The following GDI2 variants were observed in gnomAD, a reference collection of about 807,000 sequenced individuals.
The protein encoded by GDI2 is rab GDP dissociation inhibitor beta.
A neutral mutation model predicts 54.2 loss-of-function variants in GDI2; 22 were observed. The observed-to-expected ratio is 0.41, with a 90% CI of 0.29 to 0.58. GDI2 has a LOEUF of 0.58. Among genes scored for constraint, GDI2 ranks in the 20% least tolerant of loss-of-function variants. The pLI, the probability that GDI2 is intolerant of heterozygous loss-of-function variation, is 0.35. For missense variants in GDI2, 422 were observed against 546.0 expected (o/e 0.77, Z 2.26); for synonymous variants, 177 against 182.1 (o/e 0.97, Z 0.23).
At chr10:5,773,813 T>C (rs752196546) in intron 7 of GDI2, 29 bp downstream of exon 7, 1 of 925,276 alleles carries the variant, frequency 1.1e-6, no homozygotes, top group South Asian at 1.4e-5. Flanking sequence ...AAGAACATAG[T>C]AATTTTTTTC....
At chr10:5,806,383 C>T (rs1046208095) in intron 1 of GDI2, among the ~76,000 whole-genome samples, 3 of 151,728 alleles carry the variant, frequency 2.0e-5, no homozygotes, top group African/African-American at 7.3e-5. Context: ...CAGTGAGACC[C>T]CCATCTCTAC....
In GDI2 at chr10:5,794,172, G is replaced by GA. The variant is rs1256206663; in HGVS notation, c.388+712dup. ...ACAGAGCGAGACTCTGTCTTTAAAA[G>GA]AAAAAAAAAAAAAAAAATATATATA... On this transcript the variant is annotated intron_variant, in intron 4 of 10. Coordinates refer to ENST00000380191, the MANE Select transcript of GDI2 (RefSeq NM_001494.4). 8.2e-3 allele frequency among the ~76,000 whole-genome samples: 230 copies of GA among 27,932 alleles called. 18 individuals carry two copies. The highest frequency in any genetic ancestry group is 0.043 in the Middle Eastern group (2 of 46). 18.3% of individuals were successfully genotyped at this position (27,932 alleles called of 152,430 possible).
chr10:5,795,934 AT>A (rs1275602082), intron 3 of GDI2, among the ~76,000 whole-genome samples: 1 of 144,692 alleles, frequency 6.9e-6, no homozygotes, highest in Non-Finnish European at 1.6e-5. Context: ...AAAAAAATTA[AT>A]AAAAACAAAC....
In GDI2 at chr10:5,768,753, G is replaced by A. The variant is rs149941561; in HGVS notation, c.820-369C>T. On this transcript the variant is annotated intron_variant, in intron 7 of 10. Transcript: ENST00000380191. This position sits in a 1 kb window ranked among gnomAD's most constrained non-coding sequence, Gnocchi z 4.4. The stretch of plus-strand genomic sequence containing the variant: ...GGAAAAAAAGTCATTTCAACAAACC[G>A]TCCTGGGAAAACTATCCACATGCAA... The A allele has an allele frequency of 6.8e-3, 1,128 of 166,778 alleles. 9 individuals are homozygous for A. The highest frequency in any genetic ancestry group is 0.025 in the African/African-American group (1,069 of 41,992). The allele number at this position is 166,778 out of a possible 1,614,324, so 10.3% of individuals were successfully genotyped here.
chr10:5,792,147 A>C (rs1487925494), intron 4 of GDI2, among the ~76,000 whole-genome samples: 1 of 152,252 alleles, frequency 6.6e-6, no homozygotes, highest in East Asian at 1.9e-4. Flanking sequence ...TAATAGCTTT[A>C]TATACCGTAA....
At chr10:5,799,017 A>G (rs1318797800) in intron 2 of GDI2, among the ~76,000 whole-genome samples, 1 of 152,024 alleles carries the variant, frequency 6.6e-6, no homozygotes, top group Non-Finnish European at 1.5e-5. Context: ...TAAGAAAAGA[A>G]AAAAATTGTG....
chr10:5,804,580 A>G (rs963763511), intron 1 of GDI2, among the ~76,000 whole-genome samples: 1 of 152,198 alleles, frequency 6.6e-6, no homozygotes, highest in African/African-American at 2.4e-5. Flanking sequence ...TGCGTCTGAC[A>G]TTATGCAACA....
chr10:5,775,361 G>A (rs561248922), intron 6 of GDI2, among the ~76,000 whole-genome samples: 3 of 152,318 alleles, frequency 2.0e-5, no homozygotes, highest in African/African-American at 7.2e-5. Context: ...ACCAGAGACT[G>A]AAGAAACTCT....
At chr10:5,809,254 C>CAAAAAAAAAAAA (rs1039669236) in intron 1 of GDI2, among the ~76,000 whole-genome samples, 2 of 141,936 alleles carry the variant, frequency 1.4e-5, no homozygotes, top group Non-Finnish European at 3.1e-5. Flanking sequence ...CAAAAAAAAA[C>CAAAAAAAAAAAA]AAAAAAAAAA....
At position 5,786,110 on chromosome 10, in the gene GDI2, G is replaced by C. The variant is rs560520689; in HGVS notation, c.389-60C>G. The C allele has an allele frequency of 3.7e-4, 385 of 1,043,432 alleles. 2 individuals carry two copies. The African/African-American group carries it at 5.5e-3, about 15-fold the overall frequency. The allele number at this position is 1,043,432 out of a possible 1,614,324, so 64.6% of individuals were successfully genotyped here. ...ACAATCAGACATTGAGGAGAACGAA[G>C]TATGAGAGCAAAGTTTAAACATGCC... On this transcript the variant is annotated intron_variant, in intron 4 of 10. Transcript: ENST00000380191.
In GDI2 at chr10:5,765,765, C is replaced by G. The variant is rs377372222; in HGVS notation, c.*241G>C. 1,441 of 291,890 alleles carry G rather than the reference C, an allele frequency of 4.9e-3. 16 individuals are homozygous for G. In the African/African-American group the frequency reaches 0.091, roughly 18 times the overall value. The allele number at this position is 291,890 out of a possible 1,614,324, so 18.1% of individuals were successfully genotyped here. ...GTATCCCAATGTTTGTTTAACTTCACTAGAAAAAAAAAAAGCCAGTTTGGT... is the reference window on the plus strand; with the variant it reads ...GTATCCCAATGTTTGTTTAACTTCAGTAGAAAAAAAAAAAGCCAGTTTGGT... On this transcript the variant is annotated 3_prime_UTR_variant, in exon 11 of 11. Transcript: ENST00000380191.
chr10:5,806,419 C>CA (rs145915458), intron 1 of GDI2, among the ~76,000 whole-genome samples: 3,551 of 148,080 alleles, frequency 0.024, 106 homozygotes, highest in East Asian at 0.15. Flanking sequence ...AAAAAAAAAA[C>CA]AAAAAAACGT....
chr10:5,797,080 G>C (rs562540652), intron 2 of GDI2, among the ~76,000 whole-genome samples: 1 of 152,082 alleles, frequency 6.6e-6, no homozygotes, highest in Non-Finnish European at 1.5e-5. Flanking sequence ...TAACAAATAT[G>C]GCAGAAGTAA....
intron 4 of GDI2, among the ~76,000 whole-genome samples, chr10:5,792,084 A>G (rs1163552879): frequency 6.6e-6 from 1 of 152,244 alleles, no homozygotes; most frequent in Admixed American, 6.5e-5. Flanking sequence ...CTTTGGAAAA[A>G]AAAGAATTAG....
At chr10:5,801,074 C>G (rs1841259808) in intron 1 of GDI2, among the ~76,000 whole-genome samples, 1 of 152,046 alleles carries the variant, frequency 6.6e-6, no homozygotes, top group Non-Finnish European at 1.5e-5. Context: ...GCCTCAGCCT[C>G]TTGAGTAAGT....
intron 7 of GDI2, among the ~76,000 whole-genome samples, chr10:5,772,548 G>A (rs1359093364): frequency 1.3e-5 from 2 of 151,864 alleles, no homozygotes; most frequent in African/African-American, 4.8e-5. Context: ...CTTGGGGCCG[G>A]GAGTTCGAGA....
Position 5,796,857 on chromosome 10 carries a change from G to A in GDI2, c.159C>T (p.Tyr53=), listed in dbSNP as rs1453657304. 4.6e-6 allele frequency: 7 copies of A among 1,507,702 alleles called. No individual in the cohort carries two copies. The East Asian group carries it at 1.6e-4, about 34-fold the overall frequency. 93.4% of individuals were successfully genotyped at this position (1,507,702 alleles called of 1,614,324 possible). A position where few individuals can be genotyped will look rare whatever the true frequency, so the allele number is the denominator to read the frequency against. Residue 53 remains tyrosine, a synonymous_variant, in exon 3 of 11, where the codon TAC becomes TAT. Transcript: ENST00000380191. ...GTGATCCTGGTATTTTAAATCTTTT[G>A]TATAACTAAAAGCAAGGAAAAACAT... The part of the protein sequence containing the change: ...SASITPLEDL[Y]KRFKIPGSPP...
In GDI2 at chr10:5,768,377, C is replaced by A. The variant is rs753880928; in HGVS notation, c.827G>T (p.Arg276Leu). ...IGVKSEGEIA[R>L]CKQLICDPSY... ...GGGGTCACAGATGAGCTGCTTACAG[C>A]GAGCAATCTATAACAAAGCATTTAA... Residue 276 changes from arginine (R) to leucine (L), a missense_variant, in exon 8 of 11, where the codon CGC (arginine) becomes CTC (leucine). Coordinates refer to ENST00000380191, the MANE Select transcript of GDI2 (RefSeq NM_001494.4). This position sits in a 1 kb window ranked among gnomAD's most constrained non-coding sequence, Gnocchi z 4.4. 8 of 1,608,964 alleles carry A rather than the reference C, an allele frequency of 5.0e-6. No individual in the cohort carries two copies. The highest frequency in any genetic ancestry group is 6.8e-6 in the Non-Finnish European group (8 of 1,175,438).
intron 8 of GDI2, among the ~76,000 whole-genome samples, chr10:5,767,768 G>A (rs1840390965): frequency 6.6e-6 from 1 of 152,178 alleles, no homozygotes; most frequent in African/African-American, 2.4e-5. Context: ...AAATAAGTTA[G>A]GACTTGCAAT....
Sources: allele counts gnomAD v4.1 joint callset (sites outside exome capture counted in the v4.1 genomes callset), GRCh38; gene constraint gnomAD v4.1.1; non-coding constraint Gnocchi (gnomAD v3.1); transcripts MANE v1.5; gene names NCBI Gene and HGNC (gene_info 2026-07-23, HGNC 2026-07-21).